DPY19L2: variants seen among roughly 807,000 people sequenced by gnomAD.
DPY19L2 encodes probable C-mannosyltransferase DPY19L2.
In DPY19L2, 34 loss-of-function variants were observed where a neutral mutation model predicts 97.9. That is an observed-to-expected ratio of 0.35 (90% CI 0.26 to 0.46). DPY19L2 has a LOEUF of 0.46. DPY19L2 is among the 20% of genes least tolerant of loss of function. DPY19L2 has a pLI of 1.00. For synonymous variants in DPY19L2, 230 were observed against 307.9 expected, an observed-to-expected ratio of 0.75 and a Z score of 2.65; for missense variants, 623 against 911.4, an observed-to-expected ratio of 0.68 and a Z score of 4.07.
intron 19 of DPY19L2, among the ~76,000 whole-genome samples, chr12:63,578,848 C>T (rs1347246760): frequency 1.3e-5 from 2 of 151,942 alleles, no homozygotes; most frequent in Non-Finnish European, 2.9e-5. Context: ...AGACACTTTT[C>T]GATGTCATGC....
At chr12:63,583,337 C>T (rs550393560) in intron 17 of DPY19L2, among the ~76,000 whole-genome samples, 70 of 152,266 alleles carry the variant, frequency 4.6e-4, no homozygotes, top group African/African-American at 1.5e-3. Flanking sequence ...AATAATTTTA[C>T]ACCATATAAA....
intron 21 of DPY19L2, among the ~76,000 whole-genome samples, chr12:63,566,621 A>T (rs974289398): frequency 4.3e-4 from 66 of 151,980 alleles, no homozygotes; most frequent in Non-Finnish European, 8.2e-4. Flanking sequence ...TGAGTGTATC[A>T]ATAGTTTGAC....
intron 19 of DPY19L2, among the ~76,000 whole-genome samples, chr12:63,574,656 C>T (rs937750931): frequency 2.0e-5 from 3 of 151,902 alleles, no homozygotes; most frequent in Admixed American, 6.6e-5. Context: ...GCAGGAATAG[C>T]CATACTTACA....
chr12:63,579,395 TTAATATGTGGTAACCATGAGATAACTCA>T (rs1238801648), intron 19 of DPY19L2, among the ~76,000 whole-genome samples: 1 of 152,146 alleles, frequency 6.6e-6, no homozygotes, highest in African/African-American at 2.4e-5. Context: ...CATACAGCTT[TTAATATGTGGTAACCATGAGATAACTCA>T]TAATAAGGGT....
intron 4 of DPY19L2, chr12:63,661,121 T>G: frequency 3.1e-6 from 1 of 317,888 alleles, no homozygotes; most frequent in Non-Finnish European, 5.6e-6. Context: ...ACCCTGGCCA[T>G]TATTTACACA....
At chr12:63,656,741 AC>A (rs1262258749) in intron 4 of DPY19L2, among the ~76,000 whole-genome samples, 1 of 151,278 alleles carries the variant, frequency 6.6e-6, no homozygotes, top group African/African-American at 2.4e-5. Context: ...TCCTTCCTCC[AC>A]TTTTTTTTCT....
intron 12 of DPY19L2, among the ~76,000 whole-genome samples, chr12:63,601,318 C>T (rs1885153153): frequency 7.1e-6 from 1 of 141,736 alleles, no homozygotes; most frequent in South Asian, 2.3e-4. Context: ...TGAACTAGAA[C>T]GGCAATGAGG....
chr12:63,559,011 C>T lies in DPY19L2; in HGVS notation c.*1501G>A, dbSNP rs1230856692. The stretch of plus-strand genomic sequence containing the variant: ...CTAATACAGTACCATTTTAAAAGTT[C>T]TACCAACTTATTTAAAATATTTCCT... On this transcript the variant is annotated 3_prime_UTR_variant, in exon 22 of 22. Transcript: ENST00000324472. The T allele has an allele frequency of 2.6e-5, 4 of 152,030 alleles. No homozygotes were observed. The highest frequency in any genetic ancestry group is 5.9e-5 in the Non-Finnish European group (4 of 68,008). The allele number at this position is 152,030 out of a possible 1,614,324, so 9.4% of individuals were successfully genotyped here.
chr12:63,665,829 T>G lies in DPY19L2; in HGVS notation c.362+6A>C. On this transcript the variant is annotated splice_donor_region_variant and intron_variant, in intron 2 of 21. Transcript: ENST00000324472. Reference sequence around the variant, plus strand: ...TTAAATATTTCAAACTGAAACTAAATCTTACCAATGTAAAATTGCCACAAA... The same window carrying G: ...TTAAATATTTCAAACTGAAACTAAAGCTTACCAATGTAAAATTGCCACAAA... The G allele has an allele frequency of 2.5e-6, 4 of 1,581,316 alleles. No homozygotes were observed. The highest frequency in any genetic ancestry group is 3.4e-6 in the Non-Finnish European group (4 of 1,161,152).
intron 11 of DPY19L2, among the ~76,000 whole-genome samples, chr12:63,611,814 A>G (rs1887052650): frequency 6.6e-6 from 1 of 152,098 alleles, no homozygotes; most frequent in South Asian, 2.1e-4. Flanking sequence ...ATGTAGTGAG[A>G]GTCCCTAAAT....
chr12:63,665,758 T>C lies in DPY19L2; in HGVS notation c.362+77A>G, dbSNP rs547445829. Reference sequence around the variant, plus strand: ...CTACAAATATAGCCAGAAGTTATTGTTTTACTGTATGCAAAGAGTGATGGC... The same window carrying C: ...CTACAAATATAGCCAGAAGTTATTGCTTTACTGTATGCAAAGAGTGATGGC... On this transcript the variant is annotated intron_variant, in intron 2 of 21. Transcript: ENST00000324472. 4.7e-5 allele frequency: 55 copies of C among 1,169,550 alleles called. No homozygotes were observed. The East Asian group carries it at 1.4e-3, about 30-fold the overall frequency. The allele number at this position is 1,169,550 out of a possible 1,614,324, so 72.4% of individuals were successfully genotyped here. A position where few individuals can be genotyped will look rare whatever the true frequency, so the allele number is the denominator to read the frequency against.
At chr12:63,583,102 C>T (rs1404289000) in intron 17 of DPY19L2, among the ~76,000 whole-genome samples, 2 of 152,126 alleles carry the variant, frequency 1.3e-5, no homozygotes, top group African/African-American at 2.4e-5. Flanking sequence ...CTAGTAACTA[C>T]ACTGTAAATA....
chr12:63,560,558 G>A lies in DPY19L2; in HGVS notation c.2231C>T (p.Thr744Ile). 1.9e-6 allele frequency: 3 copies of A among 1,614,028 alleles called. No individual in the cohort carries two copies. The highest frequency in any genetic ancestry group is 2.5e-6 in the Non-Finnish European group (3 of 1,179,938). ...GTACACACTATTCTGAAATACTGTG[G>A]TGAAGTAAGGCCTGGCGTCTTCGAG... The part of the protein sequence containing the change: ...VLLEDARPYF[T>I]TVFQNSVYRV... Residue 744 changes from threonine (T) to isoleucine (I), a missense_variant, in exon 22 of 22, where the codon ACC becomes ATC. Thr to Ile is a moderately conservative substitution (Grantham distance 89). Around this residue, in one of 6 missense-constraint regions of DPY19L2, gnomAD observed 294 missense variants for 446.2 expected, o/e 0.66. Coordinates refer to ENST00000324472, the MANE Select transcript of DPY19L2 (RefSeq NM_173812.5).
Position 63,580,759 on chromosome 12 carries a change from A to G in DPY19L2, c.1803T>C (p.Gly601=), listed in dbSNP as rs373444545. Residue 601 remains glycine, a synonymous_variant, in exon 19 of 22, where the codon GGT becomes GGC. Coordinates refer to ENST00000324472, the MANE Select transcript of DPY19L2 (RefSeq NM_173812.5). ...FGILTVMSIQ[G]YANLRNQWSI... ...TCCATTGATTACGGAGGTTTGCATA[A>G]CCTTGTATTGACATCACTGTTAAAA... is the stretch of plus-strand genomic sequence containing the variant. 8 of 1,613,554 alleles carry G rather than the reference A, an allele frequency of 5.0e-6. No individual in the cohort carries two copies. The African/African-American group carries it at 8.0e-5, about 16-fold the overall frequency.
chr12:63,638,889 T>C (rs1439109088), intron 6 of DPY19L2, among the ~76,000 whole-genome samples: 1 of 152,130 alleles, frequency 6.6e-6, no homozygotes, highest in Non-Finnish European at 1.5e-5. Flanking sequence ...AGAGCCCGCA[T>C]TGCCAAGACA....
intron 6 of DPY19L2, among the ~76,000 whole-genome samples, chr12:63,631,083 T>C (rs561572099): frequency 6.6e-6 from 1 of 151,704 alleles, no homozygotes; most frequent in South Asian, 2.1e-4. Context: ...TAGAGGGAAA[T>C]TTATAGCACT....
chr12:63,563,025 G>A (rs1026207534), intron 21 of DPY19L2, among the ~76,000 whole-genome samples: 20 of 152,088 alleles, frequency 1.3e-4, no homozygotes, highest in Admixed American at 1.2e-3. Flanking sequence ...TCGAACTCCT[G>A]ACCTCAGGTG....
At chr12:63,598,136 A>G (rs1345075182) in intron 13 of DPY19L2, among the ~76,000 whole-genome samples, 1 of 151,958 alleles carries the variant, frequency 6.6e-6, no homozygotes, top group Non-Finnish European at 1.5e-5. Flanking sequence ...AATGAAAAGT[A>G]GAAAGAAGTT....
Position 63,597,774 on chromosome 12 carries a change from ATAT to A in DPY19L2, c.1461+32_1461+34del, listed in dbSNP as rs774784233. 5.1e-6 allele frequency: 8 copies of A among 1,567,920 alleles called. No homozygotes were observed. In the South Asian group the frequency reaches 9.3e-5, roughly 18 times the overall value. ...TTAAAAAACCTAGAGCAAAAAACTCATATTAGTAGAGAAGGAAAAAAGAAACAT... is the reference window on the plus strand; with the variant it reads ...TTAAAAAACCTAGAGCAAAAAACTCATAGTAGAGAAGGAAAAAAGAAACAT... On this transcript the variant is annotated intron_variant, in intron 14 of 21. Coordinates refer to ENST00000324472, the MANE Select transcript of DPY19L2 (RefSeq NM_173812.5).
Sources: gnomAD v4.1 joint callset for allele counts (sites outside exome capture counted in the v4.1 genomes callset) on GRCh38, gnomAD v4.1.1 for gene constraint, gnomAD v4.1.1 regional missense constraint, MANE v1.5 for transcripts, NCBI Gene and HGNC (gene_info 2026-07-23, HGNC 2026-07-21) for gene names.